PRKN: variants seen among roughly 807,000 people sequenced by gnomAD.
The protein encoded by PRKN is E3 ubiquitin-protein ligase parkin.
In PRKN, 56 loss-of-function variants were observed where a neutral mutation model predicts 59.5. The ratio of observed to expected loss-of-function variants is 0.94; its 90% CI spans 0.76 to 1.18. The LOEUF is 1.18. PRKN is among the 50% of genes most tolerant of loss of function. The pLI, the probability that PRKN is intolerant of heterozygous loss-of-function variation, is 0.00. For missense variants in PRKN, 657 were observed against 596.4 expected, an observed-to-expected ratio of 1.10 and a Z score of -1.06; for synonymous variants, 250 against 222.1, an observed-to-expected ratio of 1.13 and a Z score of -1.12.
Position 161,359,595 on chromosome 6 carries a change from C to T in PRKN, c.1285+493G>A, listed in dbSNP as rs141050109. 1.8e-3 allele frequency among the ~76,000 whole-genome samples: 276 copies of T among 152,346 alleles called. 1 individual carries two copies. Among genetic ancestry groups the T allele is most frequent in the African/African-American group, 6.2e-3 (257 of 41,574 alleles). The stretch of plus-strand genomic sequence containing the variant: ...GTCCAGGATAGACAGCAGGAAGTCC[C>T]CCACTGGTACTGTGAGTCATCAGGG... On this transcript the variant is annotated intron_variant, in intron 11 of 11. Transcript: ENST00000366898. The surrounding 1 kb of genome is among the most constrained non-coding windows in gnomAD (Gnocchi z 5.4).
intron 2 of PRKN, among the ~76,000 whole-genome samples, chr6:162,385,686 C>T (rs1786764339): frequency 6.6e-6 from 1 of 152,098 alleles, no homozygotes; most frequent in Admixed American, 6.6e-5. Context: ...TTCATGCAGA[C>T]ACGATGGAGT....
At chr6:161,748,127 C>T (rs1009522253) in intron 7 of PRKN, among the ~76,000 whole-genome samples, 3 of 152,060 alleles carry the variant, frequency 2.0e-5, no homozygotes. Flanking sequence ...TGTGACAGTC[C>T]TTTTTTACAA....
At position 161,431,138 on chromosome 6, in the gene PRKN, CA is replaced by C. The variant is rs142701766; in HGVS notation, c.1084-44262del. 5.8e-3 allele frequency among the ~76,000 whole-genome samples: 803 copies of C among 137,764 alleles called. 12 individuals are homozygous for C. In the East Asian group the frequency reaches 0.062, roughly 11 times the overall value. The allele number at this position is 137,764 out of a possible 152,430, so 90.4% of individuals were successfully genotyped here. On this transcript the variant is annotated intron_variant, in intron 9 of 11. Coordinates refer to ENST00000366898, the MANE Select transcript of PRKN (RefSeq NM_004562.3). The stretch of plus-strand genomic sequence containing the variant: ...TGGGCAACAGAGCGAGACTCTGTCT[CA>C]AAAAAAAAAAAAAGAAATATTGACT...
At chr6:162,625,367 T>C (rs1583932696) in intron 1 of PRKN, among the ~76,000 whole-genome samples, 1 of 152,316 alleles carries the variant, frequency 6.6e-6, no homozygotes, top group Non-Finnish European at 1.5e-5. Flanking sequence ...TAAACAGTTT[T>C]CATTTCCAAA....
At chr6:162,212,742 C>T (rs745469896) in intron 3 of PRKN, among the ~76,000 whole-genome samples, 72 of 152,196 alleles carry the variant, frequency 4.7e-4, no homozygotes, top group Non-Finnish European at 9.1e-4. Flanking sequence ...ACCTAGATGG[C>T]ATCACCTAGT....
intron 9 of PRKN, among the ~76,000 whole-genome samples, chr6:161,478,420 T>C (rs1440570983): frequency 6.6e-6 from 1 of 152,344 alleles, no homozygotes; most frequent in Admixed American, 6.5e-5. Context: ...AGATAGGACA[T>C]ACAGTAAAAT....
At chr6:161,920,381 CA>C (rs1286733063) in intron 6 of PRKN, among the ~76,000 whole-genome samples, 1 of 148,548 alleles carries the variant, frequency 6.7e-6, no homozygotes, top group Non-Finnish European at 1.5e-5. Flanking sequence ...AAGACTCTAC[CA>C]GAAAAAATAA....
At chr6:162,516,667 G>C (rs1177871709) in intron 1 of PRKN, among the ~76,000 whole-genome samples, 2 of 151,798 alleles carry the variant, frequency 1.3e-5, no homozygotes, top group Non-Finnish European at 2.9e-5. Context: ...GGAGGTTGTG[G>C]CATGAGAATC....
At chr6:161,788,219 T>C (rs1270571455) in intron 6 of PRKN, among the ~76,000 whole-genome samples, 1 of 152,192 alleles carries the variant, frequency 6.6e-6, no homozygotes, top group Non-Finnish European at 1.5e-5. Context: ...ACATGGAACA[T>C]CAATTGTCCT....
At chr6:162,700,076 A>G (rs113887966) in intron 1 of PRKN, among the ~76,000 whole-genome samples, 1,527 of 152,108 alleles carry the variant, frequency 0.01, 27 homozygotes, top group African/African-American at 0.035. Flanking sequence ...CATTTAGTAC[A>G]CCCCACAAAA....
intron 3 of PRKN, among the ~76,000 whole-genome samples, chr6:162,215,152 C>T (rs1033579931): frequency 3.9e-5 from 6 of 152,140 alleles, no homozygotes; most frequent in South Asian, 2.1e-4. Context: ...TCTTAGGGGT[C>T]GTAAGCTACA....
chr6:161,768,572 T>A lies in PRKN; in HGVS notation c.871+17200A>T, dbSNP rs547494095. On this transcript the variant is annotated intron_variant, in intron 7 of 11. Coordinates refer to ENST00000366898, the MANE Select transcript of PRKN (RefSeq NM_004562.3). Reference sequence around the variant, plus strand: ...ACAAAAGATAGAAAAACAAAAAAAATTTAAAGGAGGATATAAAAAGTAAAT... The same window carrying A: ...ACAAAAGATAGAAAAACAAAAAAAAATTAAAGGAGGATATAAAAAGTAAAT... Among the ~76,000 whole-genome samples, 12 of 152,106 alleles carry A rather than the reference T, an allele frequency of 7.9e-5. No individual in the cohort carries two copies. In the South Asian group the frequency reaches 1.3e-3, roughly 16 times the overall value.
chr6:161,785,690 T>A (rs762056995), intron 7 of PRKN, 82 bp downstream of exon 7: 101 of 1,340,138 alleles, frequency 7.5e-5, no homozygotes, highest in Non-Finnish European at 1.0e-4. Context: ...GGTTTACGTA[T>A]ATCTAAGCCA....
intron 1 of PRKN, among the ~76,000 whole-genome samples, chr6:162,483,437 T>TA (rs1285102110): frequency 1.3e-5 from 2 of 152,000 alleles, no homozygotes; most frequent in Non-Finnish European, 2.9e-5. Flanking sequence ...AATATATATT[T>TA]AAAAATTTGG....
intron 2 of PRKN, among the ~76,000 whole-genome samples, chr6:162,424,375 G>A (rs1273911640): frequency 6.6e-6 from 1 of 152,122 alleles, no homozygotes; most frequent in Non-Finnish European, 1.5e-5. Context: ...CACCAAGAGT[G>A]AACCCTAATG....
intron 6 of PRKN, among the ~76,000 whole-genome samples, chr6:161,960,453 A>AAATC (rs1562420389): frequency 6.6e-6 from 1 of 152,246 alleles, no homozygotes; most frequent in African/African-American, 2.4e-5. Context: ...TGTTGGGGAT[A>AAATC]AATCACGCGA....
intron 2 of PRKN, among the ~76,000 whole-genome samples, chr6:162,397,494 G>T (rs949954609): frequency 1.3e-5 from 2 of 151,768 alleles, no homozygotes; most frequent in African/African-American, 4.8e-5. Flanking sequence ...GATATTTGGA[G>T]GTAGATGGAA....
intron 9 of PRKN, among the ~76,000 whole-genome samples, chr6:161,452,053 T>C (rs1017442387): frequency 6.6e-6 from 1 of 151,914 alleles, no homozygotes; most frequent in Non-Finnish European, 1.5e-5. Context: ...CCTCCCGGGT[T>C]CAAGCGATTC....
chr6:161,621,731 C>A (rs1303637175), intron 7 of PRKN, among the ~76,000 whole-genome samples: 1 of 152,132 alleles, frequency 6.6e-6, no homozygotes, highest in Non-Finnish European at 1.5e-5. Context: ...TACAGCCGCA[C>A]ATTTTGGTTC....
Sources: gnomAD v4.1 joint callset for allele counts (sites outside exome capture counted in the v4.1 genomes callset) on GRCh38, gnomAD v4.1.1 for gene constraint, Gnocchi (gnomAD v3.1) non-coding constraint, MANE v1.5 for transcripts, NCBI Gene and HGNC (gene_info 2026-07-23, HGNC 2026-07-21) for gene names.